The following SLC22A31 variants were observed in gnomAD, a reference collection of about 807,000 sequenced individuals.
SLC22A31 encodes putative solute carrier family 22 member 31.
Under a neutral mutation model 27.4 loss-of-function variants are expected in SLC22A31, and 42 were observed. That is an observed-to-expected ratio of 1.53 (90% confidence interval 1.20 to 1.98). SLC22A31 has a LOEUF of 1.98. Ranked by LOEUF, SLC22A31 falls within the 30% of genes most tolerant of loss-of-function variation. SLC22A31 has a pLI of 0.00. For missense variants in SLC22A31, 593 were observed against 479.9 expected, an observed-to-expected ratio of 1.24 and a Z score of -2.20; for synonymous variants, 290 against 230.8, an observed-to-expected ratio of 1.26 and a Z score of -2.33.
At chr16:89,197,444 C>G (rs1384634546) in intron 7 of SLC22A31, 35 bp from the exon 8 acceptor site, 17 of 1,469,456 alleles carry the variant, frequency 1.2e-5, no homozygotes, top group Non-Finnish European at 1.6e-5. Context: ...CAGGCTCTCT[C>G]CCCAGGCCTT....
intron 4 of SLC22A31, 29 bp from the exon 5 acceptor site, chr16:89,198,826 TCCCTCCACCTC>T (rs1916254687): frequency 1.3e-6 from 2 of 1,514,844 alleles, no homozygotes; most frequent in Non-Finnish European, 1.8e-6. Context: ...TGCCCACGGC[TCCCTCCACCTC>T]CTCCTGGAAG....
Position 89,199,077 on chromosome 16 carries a change from C to CGCCAGTCCTGCACAAGCGCA in SLC22A31, c.378_397dup (p.Arg133LeufsTer16), listed in dbSNP as rs1916288726. The stretch of plus-strand genomic sequence containing the variant: ...CAGGGCACCCAGCCCCTGCAGAAGA[C>CGCCAGTCCTGCACAAGCGCA]GCCAGTCCTGCACAAGCGCAGCCAG... On this transcript the variant is annotated frameshift_variant, in exon 4 of 9. Coordinates refer to ENST00000682282, the MANE Select transcript of SLC22A31 (RefSeq NM_001384763.1). LOFTEE classifies it high-confidence loss of function. 6.5e-7 allele frequency: 1 copy of CGCCAGTCCTGCACAAGCGCA among 1,535,530 alleles called. No individual in the cohort carries two copies. The highest frequency in any genetic ancestry group is 8.7e-7 in the Non-Finnish European group (1 of 1,146,738).
intron 7 of SLC22A31, among the ~76,000 whole-genome samples, chr16:89,197,862 G>C (rs907166590): frequency 3.9e-5 from 6 of 152,224 alleles, no homozygotes. Flanking sequence ...CTTTTACCCA[G>C]CCCGGCCTCT....
At chr16:89,196,515 GGGAC>G in intron 8 of SLC22A31, 6 of 857,174 alleles carry the variant, frequency 7.0e-6, no homozygotes, top group Non-Finnish European at 8.7e-6. Flanking sequence ...AACAGATTGG[GGGAC>G]ACACATGTGA....
In SLC22A31 at chr16:89,196,058, G is replaced by C. The variant is rs1430767338; in HGVS notation, c.1282C>G (p.Leu428Val). Residue 428 changes from leucine (L) to valine (V), a missense_variant, in exon 9 of 9, where the codon CTG becomes GTG. Physicochemically the swap from Leu to Val is conservative, Grantham distance 32. Transcript: ENST00000682282. ...GAGTTGGAGGGCGGCAGCAGAGGCAGGTGGTCCTGGCGGGGGCGGCCCCGC... is the reference window on the plus strand; with the variant it reads ...GAGTTGGAGGGCGGCAGCAGAGGCACGTGGTCCTGGCGGGGGCGGCCCCGC... ...LLRGRPRQDH[L>V]PLLPPSNSYW... 6.5e-7 allele frequency: 1 copy of C among 1,530,874 alleles called. No homozygotes were observed. The highest frequency in any genetic ancestry group is 2.0e-5 in the Admixed American group (1 of 50,810). 94.8% of individuals were successfully genotyped at this position (1,530,874 alleles called of 1,614,324 possible). A position where few individuals can be genotyped will look rare whatever the true frequency, so the allele number is the denominator to read the frequency against.
In SLC22A31 at chr16:89,196,380, G is replaced by C. The variant is rs1438203854; in HGVS notation, c.1035-75C>G. ...CGGCCCCCAGCACCAGGCCCAGCCC[G>C]GCCCCCCTGTGGGACAGAGTGTGTT... On this transcript the variant is annotated intron_variant, in intron 8 of 8. Transcript: ENST00000682282. 17 of 994,360 alleles carry C rather than the reference G, an allele frequency of 1.7e-5. No homozygotes were observed. The Admixed American group carries it at 3.5e-4, about 20-fold the overall frequency. The allele number at this position is 994,360 out of a possible 1,614,324, so 61.6% of individuals were successfully genotyped here.
At chr16:89,201,082 C>A, upstream of SLC22A31, 1 of 372,174 alleles carries the variant, frequency 2.7e-6, no homozygotes, top group South Asian at 1.3e-4. Context: ...CTCCGCGGGT[C>A]CGGCCCGTGC....
chr16:89,198,972 T>C, intron 4 of SLC22A31, 51 bp downstream of exon 4: 7 of 1,519,574 alleles, frequency 4.6e-6, no homozygotes, highest in Non-Finnish European at 6.2e-6. Context: ...AGAGGGAAGC[T>C]ACATAGTCAG....
chr16:89,200,976 T>C (rs1597324135), upstream of SLC22A31: 1 of 347,986 alleles, frequency 2.9e-6, no homozygotes, highest in Non-Finnish European at 5.2e-6. Context: ...CAGGCCCTGC[T>C]CCCCCACCGG....
upstream of SLC22A31, chr16:89,201,122 G>T (rs1332989464): frequency 5.3e-6 from 2 of 376,582 alleles, no homozygotes; most frequent in Non-Finnish European, 9.4e-6. Context: ...TCGGGCCGGC[G>T]GCCGCCCCGG....
chr16:89,198,029 C>A, intron 7 of SLC22A31, 93 bp downstream of exon 7: 1 of 1,390,276 alleles, frequency 7.2e-7, no homozygotes, highest in Non-Finnish European at 9.6e-7. Context: ...CCACCCCAGG[C>A]TGCTCCCCTG....
At chr16:89,201,342 G>T (rs1358037154), upstream of SLC22A31, 2 of 305,404 alleles carry the variant, frequency 6.5e-6, no homozygotes, top group Non-Finnish European at 1.1e-5. Flanking sequence ...GTGCCGTTGC[G>T]TGCGGGCGCG....
Position 89,198,451 on chromosome 16 carries a change from C to T in SLC22A31, c.698G>A (p.Gly233Asp). The T allele has an allele frequency of 6.6e-7, 1 of 1,518,720 alleles. No individual in the cohort carries two copies. Among genetic ancestry groups the T allele is most frequent in the Non-Finnish European group, 8.8e-7 (1 of 1,137,422 alleles). The allele number at this position is 1,518,720 out of a possible 1,614,324, so 94.1% of individuals were successfully genotyped here. A position where few individuals can be genotyped will look rare whatever the true frequency, so the allele number is the denominator to read the frequency against. Residue 233 changes from glycine (G) to aspartate (D), a missense_variant, in exon 6 of 9, where the codon GGC (glycine) becomes GAC (aspartate). Transcript: ENST00000682282. ...RVTWRNGLIL[G>D]FSSLVGGGIR... ...CCCTTCCTCGACTCACGAGCTGAAG[C>T]CCAAGATAAGCCCGTTTCTCCAGGT...
chr16:89,197,351 A>G lies in SLC22A31; in HGVS notation c.981T>C (p.Ala327=). 4 of 1,535,864 alleles carry G rather than the reference A, an allele frequency of 2.6e-6. No individual in the cohort carries two copies. Among genetic ancestry groups the G allele is most frequent in the Non-Finnish European group, 3.5e-6 (4 of 1,146,832 alleles). The change falls in exon 8 of 9, where the codon GCT becomes GCC. Residue 327 remains alanine, a synonymous_variant. Transcript: ENST00000682282. ...CGAAGAGGCTGCTGAGTGCGGACAC[A>G]GCCCGGGAGGCCAGGAGCCCCAGGA... ...LSVLGLLASR[A]VSALSSLFAA... is the part of the protein sequence containing the mutation.
In SLC22A31 at chr16:89,196,054, G is replaced by C. The variant is rs1479722709; in HGVS notation, c.1286C>G (p.Pro429Arg). Reference sequence around the variant, plus strand: ...GTAGGAGTTGGAGGGCGGCAGCAGAGGCAGGTGGTCCTGGCGGGGGCGGCC... The same window carrying C: ...GTAGGAGTTGGAGGGCGGCAGCAGACGCAGGTGGTCCTGGCGGGGGCGGCC... ...LRGRPRQDHL[P>R]LLPPSNSYWA... Residue 429 changes from proline to arginine, a missense_variant, in exon 9 of 9, where the codon CCT (proline) becomes CGT (arginine). Pro to Arg is a moderately radical substitution (Grantham distance 103). Transcript: ENST00000682282. The C allele has an allele frequency of 6.5e-7, 1 of 1,530,608 alleles. No homozygotes were observed. The highest frequency in any genetic ancestry group is 1.2e-5 in the South Asian group (1 of 83,670). 94.8% of individuals were successfully genotyped at this position (1,530,608 alleles called of 1,614,324 possible).
Position 89,199,752 on chromosome 16 carries a change from C to T in SLC22A31, c.89G>A (p.Trp30Ter), listed in dbSNP as rs927648297. The change falls in exon 2 of 9, where the codon TGG (tryptophan) becomes TAG (stop). Residue 30 changes from tryptophan (W) to a stop codon, truncating the protein, a stop_gained. Coordinates refer to ENST00000682282, the MANE Select transcript of SLC22A31 (RefSeq NM_001384763.1). LOFTEE classifies it high-confidence loss of function. ...TCCCAGGATGACACAGCCCAGCAGC[C>T]AGCCCAGGAGGTGGCTCACCTGCTC... Reference protein sequence around the residue: ...PLEQVSHLLGWLLGCVILGAG... With the variant: ...PLEQVSHLLG The T allele has an allele frequency of 2.2e-5, 9 of 404,270 alleles. No individual in the cohort carries two copies. The highest frequency in any genetic ancestry group is 1.8e-4 in the African/African-American group (9 of 48,726). 25.0% of individuals were successfully genotyped at this position (404,270 alleles called of 1,614,324 possible). A position where few individuals can be genotyped will look rare whatever the true frequency, so the allele number is the denominator to read the frequency against.
Position 89,198,230 on chromosome 16 carries a change from A to C in SLC22A31, c.814T>G (p.Leu272Val). Reference protein sequence around the residue: ...FLEAGLEAAALVFLLLTADCC... With the variant: ...FLEAGLEAAAVVFLLLTADCC... ...TCTGCCGTCAGGAGCAGGAAGACCA[A>C]GGCTGCCGCCTCCAGGCCGGCCTCC... Residue 272 changes from leucine (L) to valine (V), a missense_variant, in exon 7 of 9, where the codon TTG becomes GTG. Transcript: ENST00000682282. 1 of 1,535,890 alleles carries C rather than the reference A, an allele frequency of 6.5e-7. No homozygotes were observed. The highest frequency in any genetic ancestry group is 8.7e-7 in the Non-Finnish European group (1 of 1,146,880).
chr16:89,199,326 G>T (rs1916320535), intron 3 of SLC22A31, 87 bp downstream of exon 3: 2 of 916,500 alleles, frequency 2.2e-6, no homozygotes, highest in East Asian at 2.7e-5. Context: ...TGTCCCTGCA[G>T]CTCGGGGCCC....
In SLC22A31 at chr16:89,196,177, G is replaced by T; in HGVS notation, c.1163C>A (p.Ala388Asp). Residue 388 changes from alanine (A) to aspartate (D), a missense_variant, in exon 9 of 9, where the codon GCC becomes GAC. By Grantham distance (126) the Ala-to-Asp change is moderately radical. Coordinates refer to ENST00000682282, the MANE Select transcript of SLC22A31 (RefSeq NM_001384763.1). ...AGGCAGCAGCAGGACACACAGCAGG[G>T]CAAGGACAGCAAGGGAGGCGAAGAC... ...QVVFASLAVL[A>D]LLCVLLLPES... is the part of the protein sequence containing the mutation. 1 of 1,535,188 alleles carries T rather than the reference G, an allele frequency of 6.5e-7. No individual in the cohort carries two copies. The highest frequency in any genetic ancestry group is 1.4e-5 in the African/African-American group (1 of 73,130).
Sources: gnomAD v4.1 joint callset for allele counts (sites outside exome capture counted in the v4.1 genomes callset) on GRCh38, gnomAD v4.1.1 for gene constraint, MANE v1.5 for transcripts, NCBI Gene and HGNC (gene_info 2026-07-23, HGNC 2026-07-21) for gene names.